SLCO4C1: variants seen among roughly 807,000 people sequenced by gnomAD.
SLCO4C1 encodes the protein solute carrier organic anion transporter family member 4C1.
A neutral mutation model predicts 72.1 loss-of-function variants in SLCO4C1; 58 were observed. The observed-to-expected ratio is 0.80, with a 90% CI of 0.65 to 1.00. The LOEUF is 1.00. Ranked by LOEUF, SLCO4C1 falls within the 50% of genes least tolerant of loss-of-function variation. The pLI, the probability that SLCO4C1 is intolerant of heterozygous loss-of-function variation, is 0.00. For missense variants in SLCO4C1, 898 were observed against 857.9 expected, an observed-to-expected ratio of 1.05 and a Z score of -0.58; for synonymous variants, 297 against 312.5, an observed-to-expected ratio of 0.95 and a Z score of 0.52.
chr5:102,249,787 T>G lies in SLCO4C1; in HGVS notation c.1471A>C (p.Thr491Pro). 1 of 1,608,736 alleles carries G rather than the reference T, an allele frequency of 6.2e-7. No homozygotes were observed. Among genetic ancestry groups the G allele is most frequent in the Non-Finnish European group, 8.5e-7 (1 of 1,178,712 alleles). Reference sequence around the variant, plus strand: ...GCTATCAAGTTTCCCAATTCTCCAGTCCTGTAAATAAGAAATGAAAGAAGG... The same window carrying G: ...GCTATCAAGTTTCCCAATTCTCCAGGCCTGTAAATAAGAAATGAAAGAAGG... ...FAGVSESYNGTGELGNLIAPC... is the reference protein window; with the variant it reads ...FAGVSESYNGPGELGNLIAPC... Residue 491 changes from threonine (T) to proline (P), a missense_variant and splice_region_variant, in exon 9 of 13, where the codon ACT (threonine) becomes CCT (proline). Transcript: ENST00000310954.
intron 1 of SLCO4C1, among the ~76,000 whole-genome samples, chr5:102,292,659 T>A (rs1332035092): frequency 6.6e-6 from 1 of 152,110 alleles, no homozygotes; most frequent in Non-Finnish European, 1.5e-5. Context: ...ATATATTTAT[T>A]ATAACTATAG....
intron 11 of SLCO4C1, 139 bp from the exon 12 acceptor site, chr5:102,239,527 C>T: frequency 2.0e-6 from 1 of 499,878 alleles, no homozygotes; most frequent in Non-Finnish European, 3.1e-6. Flanking sequence ...AATTCATGTA[C>T]AAGTCAAAGA....
At chr5:102,240,695 A>G (rs1748523281) in intron 11 of SLCO4C1, 23 bp downstream of exon 11, 2 of 1,596,616 alleles carry the variant, frequency 1.3e-6, no homozygotes, top group East Asian at 2.2e-5. Flanking sequence ...ACAGTTAGCA[A>G]TGAATAAAGA....
rs1346467887 is a variant in SLCO4C1 at position 102,263,714 on chromosome 5, G to T, written c.869C>A (p.Thr290Asn). The change falls in exon 4 of 13, where the codon ACC becomes AAC. Residue 290 changes from threonine to asparagine, a missense_variant. By Grantham distance (65) the Thr-to-Asn change is moderately conservative. Coordinates refer to ENST00000310954, the MANE Select transcript of SLCO4C1 (RefSeq NM_180991.5). The stretch of plus-strand genomic sequence containing the variant: ...TCCCATAGCAACATCAATGTATATG[G>T]TTAGCAGTTGTCCTCCCAATACATA... ...IGYVLGGQLLTIYIDVAMGES... is the reference protein window; with the variant it reads ...IGYVLGGQLLNIYIDVAMGES... 18 of 1,612,814 alleles carry T rather than the reference G, an allele frequency of 1.1e-5. No individual in the cohort carries two copies. Among genetic ancestry groups the T allele is most frequent in the Non-Finnish European group, 1.5e-5 (18 of 1,179,210 alleles).
chr5:102,250,729 C>G (rs1748722809), intron 8 of SLCO4C1, among the ~76,000 whole-genome samples: 1 of 152,166 alleles, frequency 6.6e-6, no homozygotes, highest in Non-Finnish European at 1.5e-5. Flanking sequence ...TGGCTTACAC[C>G]TGTAATCCCA....
intron 3 of SLCO4C1, among the ~76,000 whole-genome samples, chr5:102,265,725 A>G (rs1456272705): frequency 3.3e-5 from 5 of 152,116 alleles, no homozygotes; most frequent in African/African-American, 1.2e-4. Flanking sequence ...TTGTTGTATA[A>G]TTTGAAATCA....
Position 102,236,778 on chromosome 5 carries a change from A to C in SLCO4C1, c.*80T>G. On this transcript the variant is annotated 3_prime_UTR_variant, in exon 13 of 13. Transcript: ENST00000310954. The stretch of plus-strand genomic sequence containing the variant: ...AAATATGATTGTCCATATTGGATAG[A>C]TAATCCTGCCATGGCAATGTGTGTT... 7.3e-7 allele frequency: 1 copy of C among 1,369,876 alleles called. No individual in the cohort carries two copies. Among genetic ancestry groups the C allele is most frequent in the Non-Finnish European group, 1.0e-6 (1 of 983,628 alleles). The allele number at this position is 1,369,876 out of a possible 1,614,324, so 84.9% of individuals were successfully genotyped here. A position where few individuals can be genotyped will look rare whatever the true frequency, so the allele number is the denominator to read the frequency against.
intron 3 of SLCO4C1, among the ~76,000 whole-genome samples, chr5:102,265,792 G>C (rs1749026821): frequency 6.6e-6 from 1 of 152,010 alleles, no homozygotes; most frequent in Non-Finnish European, 1.5e-5. Flanking sequence ...TGGCTATTTG[G>C]CATCTTTTCT....
intron 5 of SLCO4C1, among the ~76,000 whole-genome samples, chr5:102,261,337 G>A (rs1411199371): frequency 3.3e-5 from 5 of 152,016 alleles, no homozygotes; most frequent in Non-Finnish European, 4.4e-5. Context: ...GCTTGAACTC[G>A]GGAGGCAGAG....
intron 2 of SLCO4C1, among the ~76,000 whole-genome samples, chr5:102,278,242 C>A (rs1237633031): frequency 1.3e-5 from 2 of 151,582 alleles, no homozygotes; most frequent in African/African-American, 4.9e-5. Flanking sequence ...GACTTTAGAG[C>A]AAAAAAATTT....
chr5:102,254,965 C>T (rs1035346350), intron 8 of SLCO4C1, among the ~76,000 whole-genome samples: 22 of 152,172 alleles, frequency 1.4e-4, no homozygotes, highest in African/African-American at 2.2e-4. Flanking sequence ...TTGTAATATA[C>T]ACATTTTAAT....
rs367551053 is a variant in SLCO4C1, at chr5:102,249,911, CAAAT to C, written c.1470-127_1470-124del. 1.1e-3 allele frequency: 1,030 copies of C among 965,960 alleles called. 15 individuals are homozygous for C. In the African/African-American group the frequency reaches 0.015, roughly 14 times the overall value. The allele number at this position is 965,960 out of a possible 1,614,324, so 59.8% of individuals were successfully genotyped here. On this transcript the variant is annotated intron_variant, in intron 8 of 12. Transcript: ENST00000310954. ...ACTCACTCAACACATAATTACTAAACAAATAAAACGTCTTCCTTTGCACATAAAG... is the reference window on the plus strand; with the variant it reads ...ACTCACTCAACACATAATTACTAAACAAAACGTCTTCCTTTGCACATAAAG...
intron 12 of SLCO4C1, 57 bp downstream of exon 12, chr5:102,239,193 AT>A (rs199652834): frequency 0.12 from 123,153 of 1,033,346 alleles, 1 homozygote; most frequent in Non-Finnish European, 0.13. Context: ...CAACAATGAG[AT>A]TTTTTTTTTT....
In SLCO4C1 at chr5:102,258,010, A is replaced by G; in HGVS notation, c.1206T>C (p.Ala402=). 6.2e-7 allele frequency: 1 copy of G among 1,609,738 alleles called. No homozygotes were observed. Among genetic ancestry groups the G allele is most frequent in the Non-Finnish European group, 8.5e-7 (1 of 1,178,466 alleles). ...TTTCTATAAATTTAGGTAAAAATGT[A>G]GCAAATCCAGTAGTAATTAAGGCTT... ...SSEALITTGF[A]TFLPKFIENQ... Residue 402 remains alanine (A), a synonymous_variant, in exon 7 of 13, where the codon GCT becomes GCC. Transcript: ENST00000310954.
intron 11 of SLCO4C1, 82 bp from the exon 12 acceptor site, chr5:102,239,470 T>C (rs1748499766): frequency 1.0e-6 from 1 of 973,058 alleles, no homozygotes; most frequent in Non-Finnish European, 1.4e-6. Flanking sequence ...ATCATACATA[T>C]ATTTTATAGA....
chr5:102,295,029 C>G (rs543948326), intron 1 of SLCO4C1, among the ~76,000 whole-genome samples: 41 of 152,166 alleles, frequency 2.7e-4, no homozygotes, highest in Non-Finnish European at 5.4e-4. Flanking sequence ...CTTCTTGACT[C>G]CTCTCCACCT....
Position 102,283,145 on chromosome 5 carries a change from AGT to A in SLCO4C1, c.619+8196_619+8197del, listed in dbSNP as rs1362584188. 2.0e-5 allele frequency among the ~76,000 whole-genome samples: 3 copies of A among 151,956 alleles called. No homozygotes were observed. In the South Asian group the frequency reaches 6.2e-4, roughly 31 times the overall value. ...ACCCTTTCTAATGTACTAGTTCAAA[AGT>A]GTTTGGTCAGACTTTGGGGATATGT... On this transcript the variant is annotated intron_variant, in intron 2 of 12. Transcript: ENST00000310954.
At chr5:102,267,739 G>C (rs1226905691) in intron 3 of SLCO4C1, among the ~76,000 whole-genome samples, 1 of 151,738 alleles carries the variant, frequency 6.6e-6, no homozygotes, top group Non-Finnish European at 1.5e-5. Flanking sequence ...TATGATGTAG[G>C]TGTTTATTGG....
At position 102,260,328 on chromosome 5, in the gene SLCO4C1, AAAATAT is replaced by A. The variant is rs781391306; in HGVS notation, c.1022-15_1022-10del. The A allele has an allele frequency of 2.7e-3, 1,570 of 571,200 alleles. 86 individuals carry two copies. Among genetic ancestry groups the A allele is most frequent in the East Asian group, 3.1e-3 (55 of 17,652 alleles). 35.4% of individuals were successfully genotyped at this position (571,200 alleles called of 1,614,324 possible). On this transcript the variant is annotated splice_polypyrimidine_tract_variant and intron_variant, in intron 5 of 12. Transcript: ENST00000310954. ...TTGAATTTCTGCTGTACCTAAAAAA[AAAATAT>A]ATATATATATATAATATATATATTA...
Sources: gnomAD v4.1 joint callset for allele counts (sites outside exome capture counted in the v4.1 genomes callset) on GRCh38, gnomAD v4.1.1 for gene constraint, MANE v1.5 for transcripts, NCBI Gene and HGNC (gene_info 2026-07-23, HGNC 2026-07-21) for gene names.